The following COLEC12 variants were observed in gnomAD, a reference collection of about 807,000 sequenced individuals.
The protein encoded by COLEC12 is collectin subfamily member 12, also known as collectin-12.
In COLEC12, 33 loss-of-function variants were observed where a neutral mutation model predicts 71.1. That is an observed-to-expected ratio of 0.46 (90% CI 0.35 to 0.62). COLEC12 has a LOEUF of 0.62. Among genes scored for constraint, COLEC12 ranks in the 20% least tolerant of loss-of-function variants. The pLI is 0.00. For synonymous variants in COLEC12, 350 were observed against 353.0 expected (o/e 0.99, Z 0.10); for missense variants, 765 against 916.1 (o/e 0.84, Z 2.13).
At chr18:429,101 G>A (rs1366363108) in intron 2 of COLEC12, among the ~76,000 whole-genome samples, 1 of 152,106 alleles carries the variant, frequency 6.6e-6, no homozygotes, top group African/African-American at 2.4e-5. Context: ...TAAACATTAA[G>A]AAGGAAAATT....
intron 1 of COLEC12, among the ~76,000 whole-genome samples, chr18:486,959 G>A (rs994177570): frequency 2.6e-5 from 4 of 152,134 alleles, no homozygotes; most frequent in African/African-American, 9.7e-5. Context: ...CAGCAATTCT[G>A]CTCCTAGGTT....
At chr18:451,262 A>C (rs1226121295) in intron 2 of COLEC12, among the ~76,000 whole-genome samples, 1 of 152,194 alleles carries the variant, frequency 6.6e-6, no homozygotes, top group African/African-American at 2.4e-5. Flanking sequence ...TATGAACTTC[A>C]GATTCACATC....
intron 2 of COLEC12, among the ~76,000 whole-genome samples, chr18:367,584 C>G (rs1051347626): frequency 2.0e-5 from 3 of 152,226 alleles, no homozygotes; most frequent in African/African-American, 7.2e-5. Flanking sequence ...AACAGTCATT[C>G]TGTTCCACAT....
At chr18:354,261 A>C (rs772713794) in intron 3 of COLEC12, among the ~76,000 whole-genome samples, 9 of 152,356 alleles carry the variant, frequency 5.9e-5, no homozygotes, top group Non-Finnish European at 1.0e-4. Flanking sequence ...AAAGTGGCTG[A>C]TACGCCTCAC....
intron 8 of COLEC12, among the ~76,000 whole-genome samples, chr18:328,319 A>G (rs976565797): frequency 2.0e-5 from 3 of 152,170 alleles, no homozygotes; most frequent in Non-Finnish European, 4.4e-5. Flanking sequence ...GAGTCTGACT[A>G]GGAGGAGACA....
chr18:472,383 A>T (rs563765217), intron 2 of COLEC12, among the ~76,000 whole-genome samples: 32 of 152,252 alleles, frequency 2.1e-4, no homozygotes, highest in African/African-American at 7.5e-4. Context: ...GTCCTTCAAG[A>T]AAATAGACTC....
chr18:398,803 C>G (rs4099521), intron 2 of COLEC12, among the ~76,000 whole-genome samples: 10,509 of 152,292 alleles, frequency 0.069, 447 homozygotes, highest in South Asian at 0.11. Flanking sequence ...CTGAGGAACT[C>G]CAAAATCTCC....
rs1914363973 is a variant in COLEC12 at position 346,098 on chromosome 18, A to C, written c.1327+197T>G. Among the ~76,000 whole-genome samples the C allele has an allele frequency of 6.6e-6, 1 of 152,238 alleles. No homozygotes were observed. Among genetic ancestry groups the C allele is most frequent in the African/African-American group, 2.4e-5 (1 of 41,468 alleles). ...CACAGTCAAGCCTTCAGATGACTGC[A>C]GCTCTGGCTGAGATCTTGACACAAC... is the stretch of plus-strand genomic sequence containing the variant. On this transcript the variant is annotated intron_variant, in intron 5 of 9. Transcript: ENST00000400256. The surrounding 1 kb of genome is among the most constrained non-coding windows in gnomAD (Gnocchi z 4.0).
intron 2 of COLEC12, among the ~76,000 whole-genome samples, chr18:403,516 G>A (rs544594832): frequency 4.6e-4 from 70 of 152,318 alleles, no homozygotes; most frequent in African/African-American, 1.5e-3. Flanking sequence ...TGTTATTCAC[G>A]ACAGAAGAGC....
intron 2 of COLEC12, among the ~76,000 whole-genome samples, chr18:381,274 G>A (rs1292087368): frequency 6.6e-6 from 1 of 152,188 alleles, no homozygotes; most frequent in Non-Finnish European, 1.5e-5. Context: ...AAACTGGCAG[G>A]AGAGAAGAGG....
chr18:341,745 A>T (rs551496881), intron 5 of COLEC12, among the ~76,000 whole-genome samples: 1 of 152,224 alleles, frequency 6.6e-6, no homozygotes, highest in African/African-American at 2.4e-5. Context: ...TTGGATCCTC[A>T]TAACTCTAAA....
intron 2 of COLEC12, among the ~76,000 whole-genome samples, chr18:391,221 A>G (rs1404615248): frequency 6.6e-6 from 1 of 152,092 alleles, no homozygotes; most frequent in Non-Finnish European, 1.5e-5. Context: ...CAATGCTTTG[A>G]GCCAAAAGAG....
chr18:363,040 G>T (rs1349694199), intron 2 of COLEC12, among the ~76,000 whole-genome samples: 1 of 152,054 alleles, frequency 6.6e-6, no homozygotes, highest in Admixed American at 6.5e-5. Context: ...GGCAGGGGGG[G>T]AATGGGGGCT....
intron 2 of COLEC12, among the ~76,000 whole-genome samples, chr18:391,149 C>T (rs752455959): frequency 4.6e-5 from 7 of 152,142 alleles, no homozygotes; most frequent in Non-Finnish European, 1.0e-4. Context: ...ATCGCCTTAA[C>T]GTGAGGAGGG....
chr18:428,732 A>C lies in COLEC12; in HGVS notation c.58+51975T>G, dbSNP rs926137223. 2.6e-5 allele frequency among the ~76,000 whole-genome samples: 4 copies of C among 152,222 alleles called. No individual in the cohort carries two copies. The East Asian group carries it at 7.7e-4, about 29-fold the overall frequency. ...AAACTATAATATAACTTGGGAGAAT[A>C]ATAATAATTAAGACACCAAACTATT... is the stretch of plus-strand genomic sequence containing the variant. On this transcript the variant is annotated intron_variant, in intron 2 of 9. Coordinates refer to ENST00000400256, the MANE Select transcript of COLEC12 (RefSeq NM_130386.3).
chr18:482,823 G>A (rs1159269153), intron 1 of COLEC12, among the ~76,000 whole-genome samples: 2 of 151,688 alleles, frequency 1.3e-5, no homozygotes, highest in Non-Finnish European at 2.9e-5. Context: ...ATGTTGGGCA[G>A]GCTGGTCTCG....
At chr18:430,755 T>C (rs1916287312) in intron 2 of COLEC12, among the ~76,000 whole-genome samples, 1 of 152,214 alleles carries the variant, frequency 6.6e-6, no homozygotes, top group South Asian at 2.1e-4. Context: ...GGAAACCATT[T>C]AATGTAAAGC....
intron 2 of COLEC12, among the ~76,000 whole-genome samples, chr18:478,923 T>G (rs1271484311): frequency 6.6e-6 from 1 of 152,200 alleles, no homozygotes; most frequent in Non-Finnish European, 1.5e-5. Flanking sequence ...TGTACTTTTT[T>G]GTGTGTTTTT....
At chr18:444,192 C>A (rs1223680780) in intron 2 of COLEC12, among the ~76,000 whole-genome samples, 1 of 152,182 alleles carries the variant, frequency 6.6e-6, no homozygotes, top group Non-Finnish European at 1.5e-5. Context: ...GAGCAAGTAT[C>A]CTTCGGAATG....
Sources: gnomAD v4.1 joint callset for allele counts (sites outside exome capture counted in the v4.1 genomes callset) on GRCh38, gnomAD v4.1.1 for gene constraint, Gnocchi (gnomAD v3.1) non-coding constraint, MANE v1.5 for transcripts, NCBI Gene and HGNC (gene_info 2026-07-23, HGNC 2026-07-21) for gene names.